Variants in OTOF observed in about 807,000 individuals in gnomAD.
OTOF encodes the protein otoferlin.
OTOF carries 218 observed loss-of-function variants against 236.8 expected under a neutral mutation model. The observed-to-expected ratio is 0.92, with a 90% CI of 0.82 to 1.03. OTOF has a LOEUF of 1.03. Ranked by LOEUF, OTOF falls within the 50% of genes least tolerant of loss-of-function variation. OTOF has a pLI of 0.00. For synonymous variants in OTOF, 1,041 were observed against 1,072.5 expected (o/e 0.97, Z 0.57); for missense variants, 2,590 against 2,694.4 (o/e 0.96, Z 0.86).
chr2:26,480,697 C>T (rs1665513594), intron 15 of OTOF, 89 bp downstream of exon 15: 1 of 1,112,244 alleles, frequency 9.0e-7, no homozygotes, highest in Non-Finnish European at 1.4e-6. Context: ...GACAGGGCAG[C>T]AACAGGCAAA....
In OTOF at chr2:26,460,247, G is replaced by A. The variant is rs934894086; in HGVS notation, c.5814-42C>T. On this transcript the variant is annotated intron_variant, in intron 45 of 46. Coordinates refer to ENST00000272371, the MANE Select transcript of OTOF (RefSeq NM_194248.3). The surrounding 1 kb of genome is among the most constrained non-coding windows in gnomAD (Gnocchi z 5.3). ...AGAGAGCGCAGAGGAGGGACAGGGAGGAGAAGGGATTGGGTGTGGCGAGGG... is the reference window on the plus strand; with the variant it reads ...AGAGAGCGCAGAGGAGGGACAGGGAAGAGAAGGGATTGGGTGTGGCGAGGG... 5.2e-6 allele frequency: 8 copies of A among 1,526,030 alleles called. No individual in the cohort carries two copies. The African/African-American group carries it at 1.1e-4, about 21-fold the overall frequency. The allele number at this position is 1,526,030 out of a possible 1,614,324, so 94.5% of individuals were successfully genotyped here.
At chr2:26,464,134 A>G (rs552725351) in intron 39 of OTOF, 28 bp from the exon 40 acceptor site, 1 of 1,612,356 alleles carries the variant, frequency 6.2e-7, no homozygotes, top group East Asian at 2.2e-5. Context: ...TCAGCTGCAC[A>G]CATGGCTCAG....
intron 5 of OTOF, among the ~76,000 whole-genome samples, chr2:26,512,725 C>T (rs748016026): frequency 5.8e-4 from 88 of 152,286 alleles, no homozygotes; most frequent in Non-Finnish European, 1.1e-3. Flanking sequence ...TTGGACAGCA[C>T]CTGAACAAGA....
intron 1 of OTOF, among the ~76,000 whole-genome samples, chr2:26,558,182 T>C (rs1298069749): frequency 6.6e-6 from 1 of 151,850 alleles, no homozygotes; most frequent in East Asian, 2.0e-4. Context: ...TGGGTCTCCC[T>C]GAGCTCAGGG....
In OTOF at chr2:26,461,450, T is replaced by C. The variant is rs563105171; in HGVS notation, c.5533+246A>G. Among the ~76,000 whole-genome samples, 1 of 152,052 alleles carries C rather than the reference T, an allele frequency of 6.6e-6. No individual in the cohort carries two copies. Among genetic ancestry groups the C allele is most frequent in the African/African-American group, 2.4e-5 (1 of 41,490 alleles). ...AGCCTCTCCCCTCCCCCATCATCACTGACTGCCCCCTCCTTGGTGTGTCCA... is the reference window on the plus strand; with the variant it reads ...AGCCTCTCCCCTCCCCCATCATCACCGACTGCCCCCTCCTTGGTGTGTCCA... On this transcript the variant is annotated intron_variant, in intron 43 of 46. Coordinates refer to ENST00000272371, the MANE Select transcript of OTOF (RefSeq NM_194248.3). This position sits in a 1 kb window ranked among gnomAD's most constrained non-coding sequence, Gnocchi z 6.2.
At chr2:26,494,143 A>G (rs919484855) in intron 9 of OTOF, among the ~76,000 whole-genome samples, 2 of 152,244 alleles carry the variant, frequency 1.3e-5, no homozygotes, top group African/African-American at 2.4e-5. Context: ...CTGCTCTATC[A>G]GCAACACTCT....
rs1572456018 is a variant in OTOF at position 26,502,210 on chromosome 2, T to C, written c.710+90A>G. On this transcript the variant is annotated intron_variant, in intron 7 of 46. Transcript: ENST00000272371. ...GGAAGAAGCCGTCCATGAGCCCTGA[T>C]TCTTCCCTACCCAAATTCCAATCAT... 3 of 1,443,390 alleles carry C rather than the reference T, an allele frequency of 2.1e-6. No homozygotes were observed. In the East Asian group the frequency reaches 6.9e-5, roughly 33 times the overall value. 89.4% of individuals were successfully genotyped at this position (1,443,390 alleles called of 1,614,324 possible).
At chr2:26,540,949 G>T (rs972359046) in intron 1 of OTOF, among the ~76,000 whole-genome samples, 1 of 152,204 alleles carries the variant, frequency 6.6e-6, no homozygotes, top group East Asian at 1.9e-4. Context: ...GAGAGGGAAA[G>T]TGCCTGAGGT....
chr2:26,480,148 C>T, intron 16 of OTOF, 55 bp downstream of exon 16: 1 of 994,652 alleles, frequency 1.0e-6, no homozygotes, highest in Non-Finnish European at 1.6e-6. Flanking sequence ...GGCCTGAAGC[C>T]CCCGTGGGCC....
At chr2:26,479,713 T>C (rs1665476221) in intron 16 of OTOF, 60 bp from the exon 17 acceptor site, 2 of 1,536,398 alleles carry the variant, frequency 1.3e-6, no homozygotes, top group Non-Finnish European at 1.8e-6. Context: ...CCTCCCACCG[T>C]CCAATCCGGT....
At chr2:26,484,410 G>A (rs56101936) in intron 12 of OTOF, 64 bp downstream of exon 12, 7 of 1,579,774 alleles carry the variant, frequency 4.4e-6, no homozygotes, top group South Asian at 1.1e-5. Context: ...AACCCTCACC[G>A]GGGGCTCCCT....
Position 26,515,507 on chromosome 2 carries a change from A to G in OTOF, c.509+911T>C, listed in dbSNP as rs116523578. On this transcript the variant is annotated intron_variant, in intron 5 of 46. Transcript: ENST00000272371. Reference sequence around the variant, plus strand: ...CTCATTCAAGTGCAAAGGAGAAAACATATTTGTCCCATAAAAGTATGTCAG... The same window carrying G: ...CTCATTCAAGTGCAAAGGAGAAAACGTATTTGTCCCATAAAAGTATGTCAG... Among the ~76,000 whole-genome samples, 1,340 of 152,342 alleles carry G rather than the reference A, an allele frequency of 8.8e-3. 21 individuals are homozygous for G. Among genetic ancestry groups the G allele is most frequent in the African/African-American group, 0.03 (1,254 of 41,572 alleles).
At position 26,502,559 on chromosome 2, in the gene OTOF, A is replaced by G. The variant is rs74803594; in HGVS notation, c.584-133T>C. On this transcript the variant is annotated intron_variant, in intron 6 of 46. Transcript: ENST00000272371. ...CTTAGTTGCTACCGCTTAGAATATT[A>G]TGGCCTGAATAACTGCAGTGTTTTT... 9.9e-3 allele frequency: 8,904 copies of G among 896,670 alleles called. 56 individuals carry two copies. The highest frequency in any genetic ancestry group is 0.013 in the Non-Finnish European group (7,363 of 563,488). 55.5% of individuals were successfully genotyped at this position (896,670 alleles called of 1,614,324 possible).
chr2:26,460,136 C>G lies in OTOF; in HGVS notation c.5883G>C (p.Thr1961=). ...LKSARYFLWH[T]YRWLLLKLLL... is the part of the protein sequence containing the mutation. ...ACAGTTTGAGGAGCAGCCAGCGATA[C>G]GTGTGCCACAAGAAGTAGCGAGCCG... The change falls in exon 46 of 47, where the codon ACG becomes ACC. Residue 1961 remains threonine, a synonymous_variant. Coordinates refer to ENST00000272371, the MANE Select transcript of OTOF (RefSeq NM_194248.3). The surrounding 1 kb of genome is among the most constrained non-coding windows in gnomAD (Gnocchi z 5.3). 1.9e-6 allele frequency: 3 copies of G among 1,600,392 alleles called. 1 individual carries two copies. Among genetic ancestry groups the G allele is most frequent in the Non-Finnish European group, 2.6e-6 (3 of 1,173,872 alleles).
At chr2:26,472,259 GCA>G (rs897230274) in intron 30 of OTOF, 100 of 522,974 alleles carry the variant, frequency 1.9e-4, no homozygotes, top group Non-Finnish European at 3.1e-4. Context: ...TCACATGCAT[GCA>G]CACACACATG....
At chr2:26,480,083 C>T (rs1439766014) in intron 16 of OTOF, 120 bp downstream of exon 16, 1 of 739,568 alleles carries the variant, frequency 1.4e-6, no homozygotes, top group Non-Finnish European at 2.5e-6. Flanking sequence ...ACGTTCCCTA[C>T]AAGAGTGAGG....
chr2:26,473,978 A>G lies in OTOF; in HGVS notation c.3408+13T>C. The G allele has an allele frequency of 1.2e-6, 2 of 1,612,766 alleles. No individual in the cohort carries two copies. The highest frequency in any genetic ancestry group is 1.7e-6 in the Non-Finnish European group (2 of 1,179,844). ...CTCATCCAAAAGGGAAGGGCCACAC[A>G]GAGCCCTCGCACCTCCACTCGGTAC... is the stretch of plus-strand genomic sequence containing the variant. On this transcript the variant is annotated intron_variant, in intron 27 of 46. Transcript: ENST00000272371. This position sits in a 1 kb window ranked among gnomAD's most constrained non-coding sequence, Gnocchi z 7.2.
intron 1 of OTOF, among the ~76,000 whole-genome samples, chr2:26,555,620 G>A (rs1667567587): frequency 1.3e-5 from 2 of 152,178 alleles, no homozygotes; most frequent in African/African-American, 2.4e-5. Flanking sequence ...CAGGAGTCTC[G>A]GGGGTCTGCC....
At chr2:26,479,415 T>C in intron 17 of OTOF, 31 bp from the exon 18 acceptor site, 2 of 1,610,146 alleles carry the variant, frequency 1.2e-6, no homozygotes, top group Non-Finnish European at 1.7e-6. Flanking sequence ...AGGTGAGGTC[T>C]TGGGGGCCCA....
Sources: gnomAD v4.1 joint callset for allele counts (sites outside exome capture counted in the v4.1 genomes callset) on GRCh38, gnomAD v4.1.1 for gene constraint, Gnocchi (gnomAD v3.1) non-coding constraint, MANE v1.5 for transcripts, NCBI Gene and HGNC (gene_info 2026-07-23, HGNC 2026-07-21) for gene names.